HAPLN1: variants seen among roughly 807,000 people sequenced by gnomAD.
HAPLN1 encodes the protein hyaluronan and proteoglycan link protein 1.
A neutral mutation model predicts 36.5 loss-of-function variants in HAPLN1; 13 were observed. That is an observed-to-expected ratio of 0.36 (90% CI 0.23 to 0.57). The LOEUF is 0.57. Among genes scored for constraint, HAPLN1 ranks in the 20% least tolerant of loss-of-function variants. HAPLN1 has a pLI of 0.83. For missense variants in HAPLN1, 407 were observed against 439.7 expected, an observed-to-expected ratio of 0.93 and a Z score of 0.66; for synonymous variants, 202 against 169.8, an observed-to-expected ratio of 1.19 and a Z score of -1.48.
At chr5:83,709,393 T>C (rs183516137) in intron 1 of HAPLN1, among the ~76,000 whole-genome samples, 1 of 152,212 alleles carries the variant, frequency 6.6e-6, no homozygotes, top group Non-Finnish European at 1.5e-5. Context: ...CATCTCCTAT[T>C]GGTCTATTTC....
chr5:83,699,779 GT>G (rs1751466058), intron 1 of HAPLN1, among the ~76,000 whole-genome samples: 1 of 152,140 alleles, frequency 6.6e-6, no homozygotes, highest in South Asian at 2.1e-4. Context: ...ATGTTCCATA[GT>G]TTCTGATAAT....
chr5:83,675,971 C>G (rs901696002), intron 1 of HAPLN1, among the ~76,000 whole-genome samples: 2 of 152,268 alleles, frequency 1.3e-5, no homozygotes, highest in African/African-American at 4.8e-5. Flanking sequence ...AGCTCTTTAA[C>G]TTACAACTAT....
intron 2 of HAPLN1, among the ~76,000 whole-genome samples, chr5:83,662,567 A>C (rs1235660209): frequency 1.3e-5 from 2 of 152,214 alleles, no homozygotes; most frequent in Non-Finnish European, 2.9e-5. Context: ...AAATTAGAAT[A>C]TTTTACTAAT....
At chr5:83,662,427 T>G (rs1359465826) in intron 2 of HAPLN1, among the ~76,000 whole-genome samples, 2 of 152,246 alleles carry the variant, frequency 1.3e-5, no homozygotes, top group Non-Finnish European at 1.5e-5. Context: ...TTTCAGAATT[T>G]AAATTTTTCT....
In HAPLN1 at chr5:83,640,676, G is replaced by A. The variant is rs1380231524; in HGVS notation, c.*820C>T. ...CAGTTTATCTATATAACTGCCCTGA[G>A]TAGATGCTAAATGCTGCTTAGCAAA... On this transcript the variant is annotated 3_prime_UTR_variant, in exon 5 of 5. Coordinates refer to ENST00000274341, the MANE Select transcript of HAPLN1 (RefSeq NM_001884.4). 6.6e-6 allele frequency: 1 copy of A among 152,112 alleles called. No homozygotes were observed. The highest frequency in any genetic ancestry group is 2.4e-5 in the African/African-American group (1 of 41,432). 9.4% of individuals were successfully genotyped at this position (152,112 alleles called of 1,614,324 possible).
intron 1 of HAPLN1, among the ~76,000 whole-genome samples, chr5:83,694,741 A>C (rs1004900955): frequency 3.9e-5 from 6 of 152,268 alleles, no homozygotes. Context: ...TCAAATTTTT[A>C]GTTTAAAAAT....
intron 1 of HAPLN1, among the ~76,000 whole-genome samples, chr5:83,714,364 A>T (rs80060954): frequency 0.076 from 11,512 of 152,194 alleles, 549 homozygotes; most frequent in Middle Eastern, 0.15. Flanking sequence ...GGGGTATAAT[A>T]AAAAAAACTA....
At chr5:83,692,274 C>T (rs1407608500) in intron 1 of HAPLN1, among the ~76,000 whole-genome samples, 1 of 151,688 alleles carries the variant, frequency 6.6e-6, no homozygotes, top group East Asian at 1.9e-4. Flanking sequence ...CTTACAGACC[C>T]AAGAATTTCA....
rs71709944 is a variant in HAPLN1, at chr5:83,638,016, C to CTTTTTTTTTTTTTTTTTTT, written c.*3479_*3480insAAAAAAAAAAAAAAAAAAA. ...GATTTAGCGACACCATATAAATGCT[C>CTTTTTTTTTTTTTTTTTTT]TTTTTTTTTTTTTGACTTTGCAAGA... On this transcript the variant is annotated 3_prime_UTR_variant, in exon 5 of 5. Coordinates refer to ENST00000274341, the MANE Select transcript of HAPLN1 (RefSeq NM_001884.4). 1 of 143,720 alleles carries CTTTTTTTTTTTTTTTTTTT rather than the reference C, an allele frequency of 7.0e-6. No individual in the cohort carries two copies. Among genetic ancestry groups the CTTTTTTTTTTTTTTTTTTT allele is most frequent in the Non-Finnish European group, 1.5e-5 (1 of 65,302 alleles). The allele number at this position is 143,720 out of a possible 1,614,324, so 8.9% of individuals were successfully genotyped here.
chr5:83,673,575 G>T (rs1209005713), intron 1 of HAPLN1, 26 bp from the exon 2 acceptor site: 1 of 1,360,930 alleles, frequency 7.3e-7, no homozygotes. Context: ...ATACAAAGAG[G>T]CTTGTGAGAT....
At chr5:83,660,961 A>G (rs1050763446) in intron 2 of HAPLN1, among the ~76,000 whole-genome samples, 1 of 152,078 alleles carries the variant, frequency 6.6e-6, no homozygotes, top group African/African-American at 2.4e-5. Context: ...TTACATGTCT[A>G]AAATGTGCCT....
At position 83,637,826 on chromosome 5, in the gene HAPLN1, TTA is replaced by T. The variant is rs1749558210; in HGVS notation, c.*3668_*3669del. ...TAAGTATGAAAAGAAAAACCTTTTT[TTA>T]ATTCAGCACTCATGATTAAGTTATA... On this transcript the variant is annotated 3_prime_UTR_variant, in exon 5 of 5. Transcript: ENST00000274341. The T allele has an allele frequency of 6.6e-6, 1 of 152,054 alleles. No homozygotes were observed. Among genetic ancestry groups the T allele is most frequent in the Admixed American group, 6.6e-5 (1 of 15,260 alleles). The allele number at this position is 152,054 out of a possible 1,614,324, so 9.4% of individuals were successfully genotyped here. A position where few individuals can be genotyped will look rare whatever the true frequency, so the allele number is the denominator to read the frequency against.
chr5:83,652,298 T>C (rs1750087966), intron 3 of HAPLN1, 155 bp downstream of exon 3: 1 of 696,782 alleles, frequency 1.4e-6, no homozygotes, highest in Non-Finnish European at 2.3e-6. Flanking sequence ...GCTGGAATCA[T>C]AGGCAGACTG....
chr5:83,717,981 CT>C (rs1751951235), intron 1 of HAPLN1, among the ~76,000 whole-genome samples: 1 of 152,322 alleles, frequency 6.6e-6, no homozygotes, highest in African/African-American at 2.4e-5. Context: ...ATTTTCCCAA[CT>C]AAATTCAGTA....
intron 1 of HAPLN1, among the ~76,000 whole-genome samples, chr5:83,705,949 A>T (rs899200424): frequency 6.6e-6 from 1 of 152,068 alleles, no homozygotes; most frequent in African/African-American, 2.4e-5. Flanking sequence ...ACTACTATGA[A>T]CACCTCTATG....
In HAPLN1 at chr5:83,637,976, G is replaced by T. The variant is rs1403667505; in HGVS notation, c.*3520C>A. 11 of 150,190 alleles carry T rather than the reference G, an allele frequency of 7.3e-5. No homozygotes were observed. The Admixed American group carries it at 7.3e-4, about 10-fold the overall frequency. The allele number at this position is 150,190 out of a possible 1,614,324, so 9.3% of individuals were successfully genotyped here. On this transcript the variant is annotated 3_prime_UTR_variant, in exon 5 of 5. Transcript: ENST00000274341. ...AGAGAAAAAAGTCAATATATTTTGG[G>T]ATAATACTATAGTTGATTTAGCGAC...
chr5:83,664,329 G>A (rs1329873242), intron 2 of HAPLN1, among the ~76,000 whole-genome samples: 1 of 136,858 alleles, frequency 7.3e-6, no homozygotes, highest in Non-Finnish European at 1.6e-5. Flanking sequence ...GCAAACGAAC[G>A]CCATTGGGCC....
chr5:83,683,053 T>A (rs1237644894), intron 1 of HAPLN1, among the ~76,000 whole-genome samples: 1 of 152,206 alleles, frequency 6.6e-6, no homozygotes, highest in Non-Finnish European at 1.5e-5. Flanking sequence ...CAAAAGATTT[T>A]AAAACTTTTA....
intron 1 of HAPLN1, among the ~76,000 whole-genome samples, chr5:83,688,488 G>A (rs1751189361): frequency 6.6e-6 from 1 of 152,188 alleles, no homozygotes; most frequent in Non-Finnish European, 1.5e-5. Flanking sequence ...GTCGTAAAAT[G>A]AAGTTGCTTC....
Sources: gnomAD v4.1 joint callset for allele counts (sites outside exome capture counted in the v4.1 genomes callset) on GRCh38, gnomAD v4.1.1 for gene constraint, MANE v1.5 for transcripts, NCBI Gene and HGNC (gene_info 2026-07-23, HGNC 2026-07-21) for gene names.